Variants in MRAP2 observed in about 807,000 individuals in gnomAD.
MRAP2 encodes the protein melanocortin 2 receptor accessory protein 2, also known as melanocortin-2 receptor accessory protein 2.
In MRAP2, 20 loss-of-function variants were observed where a neutral mutation model predicts 17.4. The observed-to-expected ratio is 1.15, with a 90% CI of 0.81 to 1.67. The LOEUF is 1.67. Among genes scored for constraint, MRAP2 ranks in the 40% most tolerant of loss-of-function variants. The probability of loss-of-function intolerance (pLI) is 0.00; values close to 1 mark genes in which losing one functional copy is unlikely to be tolerated. For missense variants in MRAP2, 238 were observed against 240.0 expected, an observed-to-expected ratio of 0.99 and a Z score of 0.05; for synonymous variants, 96 against 88.4, an observed-to-expected ratio of 1.09 and a Z score of -0.48.
chr6:84,062,623 T>C lies in MRAP2; in HGVS notation c.128-270T>C, dbSNP rs530255972. 5 of 985,266 alleles carry C rather than the reference T, an allele frequency of 5.1e-6. No homozygotes were observed. The East Asian group carries it at 4.5e-4, about 89-fold the overall frequency. The allele number at this position is 985,266 out of a possible 1,614,324, so 61.0% of individuals were successfully genotyped here. On this transcript the variant is annotated intron_variant, in intron 2 of 3. Transcript: ENST00000257776. ...TTGAGGTCCTAGATAACCTATGCTC[T>C]GGTCTAGGTTCCTTCCTTGAGATAT...
At chr6:84,138,199 T>A in the MRAP2 span, among the ~76,000 whole-genome samples, 1 of 152,092 alleles carries the variant, frequency 6.6e-6, no homozygotes, top group Non-Finnish European at 1.5e-5. Flanking sequence ...TCATGTGGAG[T>A]CAAGGGGAGA....
the MRAP2 span, among the ~76,000 whole-genome samples, chr6:84,131,630 G>A: frequency 6.6e-6 from 1 of 151,996 alleles, no homozygotes; most frequent in South Asian, 2.1e-4. Context: ...TTGGTTTAAA[G>A]TCTTTTTTAT....
chr6:84,051,432 C>T (rs1283850947), intron 1 of MRAP2, among the ~76,000 whole-genome samples: 1 of 152,192 alleles, frequency 6.6e-6, no homozygotes, highest in Non-Finnish European at 1.5e-5. Context: ...TGGCATGTGC[C>T]TGGAGTCCCA....
intron 1 of MRAP2, chr6:84,035,463 A>G (rs555534508): frequency 4.8e-4 from 468 of 972,866 alleles, no homozygotes; most frequent in South Asian, 9.0e-4. Flanking sequence ...ATTGTCTTCA[A>G]ATGTGGGCTG....
chr6:84,125,156 T>C, the MRAP2 span: 1 of 1,613,586 alleles, frequency 6.2e-7, no homozygotes, highest in Middle Eastern at 1.7e-4. Context: ...ACATCTAATA[T>C]TGAGTCTAGT....
chr6:84,047,678 G>T (rs998817186), intron 1 of MRAP2, among the ~76,000 whole-genome samples: 5 of 151,872 alleles, frequency 3.3e-5, no homozygotes, highest in African/African-American at 1.2e-4. Flanking sequence ...CTCTTTTACT[G>T]GTAAATAACA....
chr6:84,061,984 A>G, intron 2 of MRAP2: 1 of 985,232 alleles, frequency 1.0e-6, no homozygotes, highest in South Asian at 4.7e-5. Context: ...AGGGAAAGGC[A>G]GAAGGCAGAG....
intron 1 of MRAP2, among the ~76,000 whole-genome samples, chr6:84,054,602 A>C (rs192073094): frequency 6.6e-6 from 1 of 152,352 alleles, no homozygotes; most frequent in East Asian, 1.9e-4. Flanking sequence ...AAAAGCAAAC[A>C]AACAAAACCT....
chr6:84,062,886 C>T lies in MRAP2; in HGVS notation c.128-7C>T. 1 of 1,614,118 alleles carries T rather than the reference C, an allele frequency of 6.2e-7. No individual in the cohort carries two copies. Among genetic ancestry groups the T allele is most frequent in the Non-Finnish European group, 8.5e-7 (1 of 1,179,990 alleles). On this transcript the variant is annotated splice_polypyrimidine_tract_variant and splice_region_variant and intron_variant, in intron 2 of 3. Coordinates refer to ENST00000257776, the MANE Select transcript of MRAP2 (RefSeq NM_138409.4). ...AAATACTAATCCCAGAATTAACTGT[C>T]TTTCAGATTCCATTGTGATTGGATT...
At position 84,089,216 on chromosome 6, in the gene MRAP2, G is replaced by A; in HGVS notation, c.353G>A (p.Cys118Tyr). Residue 118 changes from cysteine (C) to tyrosine (Y), a missense_variant, in exon 4 of 4, where the codon TGC (cysteine) becomes TAC (tyrosine). Coordinates refer to ENST00000257776, the MANE Select transcript of MRAP2 (RefSeq NM_138409.4). ...GNEESRSLFH[C>Y]YINEVERLDR... ...GAGGAGTCCAGGTCTCTCTTTCACT[G>A]CTACATCAATGAGGTGGAACGCTTG... 6.2e-7 allele frequency: 1 copy of A among 1,614,176 alleles called. No individual in the cohort carries two copies. Among genetic ancestry groups the A allele is most frequent in the Non-Finnish European group, 8.5e-7 (1 of 1,180,028 alleles).
chr6:84,035,398 C>T (rs1157592502), intron 1 of MRAP2: 2 of 983,964 alleles, frequency 2.0e-6, no homozygotes, highest in Non-Finnish European at 1.2e-6. Flanking sequence ...GCCAAACCAA[C>T]TCCCTTCCCT....
At chr6:84,116,751 G>A in the MRAP2 span, among the ~76,000 whole-genome samples, 5 of 152,076 alleles carry the variant, frequency 3.3e-5, no homozygotes, top group Non-Finnish European at 5.9e-5. Context: ...ATAATCATGT[G>A]ATTTTTGTGT....
At chr6:84,127,286 C>T in the MRAP2 span, among the ~76,000 whole-genome samples, 1 of 152,012 alleles carries the variant, frequency 6.6e-6, no homozygotes, top group Admixed American at 6.6e-5. Flanking sequence ...AACAATAACT[C>T]TTGTTTTCTA....
the MRAP2 span, among the ~76,000 whole-genome samples, chr6:84,127,958 C>T: frequency 3.9e-5 from 6 of 152,160 alleles, no homozygotes; most frequent in Admixed American, 1.3e-4. Flanking sequence ...TTATGATGTG[C>T]TAGGCATTAG....
At chr6:84,062,378 T>C (rs976964442) in intron 2 of MRAP2, 1 of 312,312 alleles carries the variant, frequency 3.2e-6, no homozygotes, top group African/African-American at 2.3e-5. Context: ...TGTCCCTAAA[T>C]CTTAACCAAC....
chr6:84,138,583 T>C, the MRAP2 span, among the ~76,000 whole-genome samples: 1 of 152,190 alleles, frequency 6.6e-6, no homozygotes, highest in Non-Finnish European at 1.5e-5. Flanking sequence ...AGGGTGTCAT[T>C]ACCTTTACTC....
chr6:84,048,156 T>C (rs1039159344), intron 1 of MRAP2, among the ~76,000 whole-genome samples: 2 of 152,162 alleles, frequency 1.3e-5, no homozygotes, highest in African/African-American at 4.8e-5. Flanking sequence ...TGCTATATCA[T>C]ATGGTTATTC....
chr6:84,037,164 C>T (rs1562867755), intron 1 of MRAP2, among the ~76,000 whole-genome samples: 3 of 148,556 alleles, frequency 2.0e-5, no homozygotes, highest in African/African-American at 7.9e-5. Flanking sequence ...TTGAGCTAGA[C>T]ACAGAGTGTT....
At chr6:84,145,704 A>T in the MRAP2 span, among the ~76,000 whole-genome samples, 1 of 152,066 alleles carries the variant, frequency 6.6e-6, no homozygotes, top group Non-Finnish European at 1.5e-5. Context: ...CTTTTCCTGA[A>T]ATCTTAATAA....
Sources: gnomAD v4.1 joint callset for allele counts (sites outside exome capture counted in the v4.1 genomes callset) on GRCh38, gnomAD v4.1.1 for gene constraint, MANE v1.5 for transcripts, NCBI Gene and HGNC (gene_info 2026-07-23, HGNC 2026-07-21) for gene names.